GAREM1: variants seen among roughly 807,000 people sequenced by gnomAD.
GAREM1 encodes GRB2 associated regulator of MAPK1 subtype 1.
In GAREM1, 26 loss-of-function variants were observed where a neutral mutation model predicts 71.3. The observed-to-expected ratio is 0.36, with a 90% CI of 0.27 to 0.51. The LOEUF (loss-of-function observed/expected upper bound fraction) is 0.51. Ranked by LOEUF, GAREM1 falls within the 20% of genes least tolerant of loss-of-function variation. The pLI, the probability that GAREM1 is intolerant of heterozygous loss-of-function variation, is 0.95. For missense variants in GAREM1, 1,026 were observed against 1,103.1 expected (o/e 0.93, Z 0.99); for synonymous variants, 440 against 433.2 (o/e 1.02, Z -0.20).
chr18:32,394,739 T>G (rs894106849), intron 1 of GAREM1, among the ~76,000 whole-genome samples: 2 of 152,104 alleles, frequency 1.3e-5, no homozygotes, highest in Non-Finnish European at 2.9e-5. Flanking sequence ...AAAGGAGAAA[T>G]CATGCAGCCC....
chr18:32,364,028 G>GTTGTTTTTTTTTTTTT (rs2047903365), intron 2 of GAREM1, among the ~76,000 whole-genome samples: 1 of 21,674 alleles, frequency 4.6e-5, no homozygotes, highest in African/African-American at 1.8e-4. Context: ...ATATATATAT[G>GTTGTTTTTTTTTTTTT]TTTTTTTTTT....
intron 4 of GAREM1, among the ~76,000 whole-genome samples, chr18:32,274,246 GT>G (rs1440053013): frequency 2.6e-5 from 4 of 152,126 alleles, no homozygotes; most frequent in Non-Finnish European, 5.9e-5. Context: ...TACCATCTTA[GT>G]TCCTATCTCT....
chr18:32,368,463 T>A (rs1001736595), intron 2 of GAREM1, among the ~76,000 whole-genome samples: 9 of 152,186 alleles, frequency 5.9e-5, no homozygotes, highest in African/African-American at 2.2e-4. Flanking sequence ...TCCTGGAATA[T>A]CAGGCCAAAA....
At chr18:32,277,324 C>G (rs2144434737) in intron 4 of GAREM1, among the ~76,000 whole-genome samples, 1 of 152,254 alleles carries the variant, frequency 6.6e-6, no homozygotes, top group South Asian at 2.1e-4. Flanking sequence ...TGCATGTAAG[C>G]TGGAGGTCAA....
At chr18:32,304,572 T>C (rs889648500) in intron 3 of GAREM1, among the ~76,000 whole-genome samples, 5 of 152,226 alleles carry the variant, frequency 3.3e-5, no homozygotes, top group African/African-American at 9.6e-5. Flanking sequence ...CACATAGACA[T>C]GGCTTTGTTC....
chr18:32,387,730 T>G (rs758476079), intron 2 of GAREM1, among the ~76,000 whole-genome samples: 2 of 152,214 alleles, frequency 1.3e-5, no homozygotes, highest in African/African-American at 2.4e-5. Context: ...GAATTCAGAA[T>G]AAGGAGATTC....
chr18:32,321,502 A>G (rs755800967), intron 2 of GAREM1, among the ~76,000 whole-genome samples: 4 of 152,098 alleles, frequency 2.6e-5, no homozygotes, highest in African/African-American at 4.8e-5. Flanking sequence ...CAATACATCA[A>G]CCTTTCTCTC....
chr18:32,393,678 G>A lies in GAREM1; in HGVS notation c.122-643C>T, dbSNP rs577850057. Among the ~76,000 whole-genome samples the A allele has an allele frequency of 2.2e-4, 33 of 152,068 alleles. No homozygotes were observed. In the South Asian group the frequency reaches 3.1e-3, roughly 14 times the overall value. ...TCTCTGGCCTCCTACCAAACTTCCC[G>A]ATCAATTAAAAATAATGATTTATAG... On this transcript the variant is annotated intron_variant, in intron 1 of 5. Transcript: ENST00000269209.
At chr18:32,343,629 G>T (rs916783103) in intron 2 of GAREM1, among the ~76,000 whole-genome samples, 2 of 152,054 alleles carry the variant, frequency 1.3e-5, no homozygotes, top group Non-Finnish European at 2.9e-5. Flanking sequence ...AACCAAGCTA[G>T]TTCAAAGAAA....
rs115145192 is a variant in GAREM1, at chr18:32,292,795, C to A, written c.394-4592G>T. 3.2e-3 allele frequency among the ~76,000 whole-genome samples: 492 copies of A among 152,162 alleles called. 4 individuals carry two copies. Among genetic ancestry groups the A allele is most frequent in the African/African-American group, 0.011 (454 of 41,520 alleles). Reference sequence around the variant, plus strand: ...ATAAATTACCCAATCTTGAACAGTTCTTTATAGGAGTTTGAGAATGGACTA... The same window carrying A: ...ATAAATTACCCAATCTTGAACAGTTATTTATAGGAGTTTGAGAATGGACTA... On this transcript the variant is annotated intron_variant, in intron 3 of 5. Coordinates refer to ENST00000269209, the MANE Select transcript of GAREM1 (RefSeq NM_001242409.2).
At chr18:32,393,161 TA>T (rs960691158) in intron 1 of GAREM1, 126 bp from the exon 2 acceptor site, 2 of 826,576 alleles carry the variant, frequency 2.4e-6, no homozygotes, top group African/African-American at 3.5e-5. Flanking sequence ...CAAGATGAGA[TA>T]AAGTTTACCT....
At chr18:32,399,213 C>T (rs182071423) in intron 1 of GAREM1, among the ~76,000 whole-genome samples, 6 of 152,270 alleles carry the variant, frequency 3.9e-5, no homozygotes, top group Admixed American at 3.3e-4. Context: ...CAGCCAATAT[C>T]ATACTGAATG....
intron 1 of GAREM1, among the ~76,000 whole-genome samples, chr18:32,403,898 ATAACT>A (rs1394655497): frequency 6.6e-6 from 1 of 152,262 alleles, no homozygotes; most frequent in Non-Finnish European, 1.5e-5. Flanking sequence ...CACAGTAAAA[ATAACT>A]TAACCTGTAG....
intron 3 of GAREM1, among the ~76,000 whole-genome samples, chr18:32,292,083 G>T (rs554768249): frequency 2.0e-5 from 3 of 152,264 alleles, no homozygotes; most frequent in African/African-American, 7.2e-5. Context: ...TTCCACAATG[G>T]TTGAACTAAT....
intron 1 of GAREM1, among the ~76,000 whole-genome samples, chr18:32,462,184 A>C (rs1399765759): frequency 6.6e-6 from 1 of 152,192 alleles, no homozygotes; most frequent in African/African-American, 2.4e-5. Flanking sequence ...TTTTTGGAGG[A>C]ACCTCCATAC....
intron 2 of GAREM1, among the ~76,000 whole-genome samples, chr18:32,334,566 G>A (rs561715989): frequency 3.6e-4 from 55 of 152,308 alleles, no homozygotes; most frequent in African/African-American, 1.3e-3. Flanking sequence ...TCCCCCGAGT[G>A]GGGTTCCACA....
intron 2 of GAREM1, among the ~76,000 whole-genome samples, chr18:32,312,764 T>C (rs987775458): frequency 2.4e-4 from 36 of 152,068 alleles, no homozygotes; most frequent in African/African-American, 8.5e-4. Flanking sequence ...GGAGAAATGA[T>C]TGGAACCCAA....
chr18:32,336,226 C>T (rs1316721767), intron 2 of GAREM1, among the ~76,000 whole-genome samples: 2 of 151,990 alleles, frequency 1.3e-5, no homozygotes, highest in African/African-American at 2.4e-5. Flanking sequence ...GTCAGGAGAT[C>T]GAGACCATCC....
chr18:32,294,572 T>C (rs1028654575), intron 3 of GAREM1, among the ~76,000 whole-genome samples: 12 of 152,210 alleles, frequency 7.9e-5, no homozygotes, highest in African/African-American at 2.7e-4. Flanking sequence ...GTAACAGCAT[T>C]TCCAAAGAGG....
Sources: gnomAD v4.1 joint callset for allele counts (sites outside exome capture counted in the v4.1 genomes callset) on GRCh38, gnomAD v4.1.1 for gene constraint, MANE v1.5 for transcripts, NCBI Gene and HGNC (gene_info 2026-07-23, HGNC 2026-07-21) for gene names.